The following TTLL1 variants were observed in gnomAD, a reference collection of about 807,000 sequenced individuals.
TTLL1 encodes the protein polyglutamylase complex subunit TTLL1.
A neutral mutation model predicts 47.8 loss-of-function variants in TTLL1; 33 were observed. The observed-to-expected ratio is 0.69, with a 90% confidence interval of 0.52 to 0.92. TTLL1 has a LOEUF of 0.92. TTLL1 is among the 40% of genes least tolerant of loss of function. TTLL1 has a pLI of 0.00. For synonymous variants in TTLL1, 225 were observed against 214.1 expected (o/e 1.05, Z -0.45); for missense variants, 488 against 547.5 (o/e 0.89, Z 1.08).
chr22:43,058,817 C>T (rs749361108), intron 8 of TTLL1, among the ~76,000 whole-genome samples: 8 of 152,062 alleles, frequency 5.3e-5, no homozygotes, highest in Non-Finnish European at 1.2e-4. Context: ...GCCTCAGCCT[C>T]CCAAGTAGCT....
chr22:43,087,342 T>C (rs1261399984), intron 1 of TTLL1, among the ~76,000 whole-genome samples: 1 of 151,836 alleles, frequency 6.6e-6, no homozygotes, highest in Non-Finnish European at 1.5e-5. Context: ...CTGGCTAACA[T>C]GGTGAAACCC....
At chr22:43,085,160 T>G (rs1929153155) in intron 1 of TTLL1, among the ~76,000 whole-genome samples, 1 of 151,712 alleles carries the variant, frequency 6.6e-6, no homozygotes, top group African/African-American at 2.4e-5. Context: ...GTATTTTTAA[T>G]AGAGACGAGG....
chr22:43,065,059 C>T (rs1308402866), intron 5 of TTLL1, among the ~76,000 whole-genome samples: 4 of 151,790 alleles, frequency 2.6e-5, no homozygotes, highest in Non-Finnish European at 5.9e-5. Flanking sequence ...GCAGGATAAT[C>T]GCTTGAACCC....
At chr22:43,072,240 G>T (rs546549746) in intron 3 of TTLL1, among the ~76,000 whole-genome samples, 2 of 144,262 alleles carry the variant, frequency 1.4e-5, no homozygotes, top group African/African-American at 5.2e-5. Context: ...TGCAATCTCC[G>T]CCTCCCGGGT....
Position 43,068,531 on chromosome 22 carries a change from G to A in TTLL1, c.382C>T (p.Arg128Trp), listed in dbSNP as rs779480978. Residue 128 changes from arginine (R) to tryptophan (W), a missense_variant, in exon 5 of 11, where the codon CGG (arginine) becomes TGG (tryptophan). Arg to Trp is a moderately radical substitution (Grantham distance 101). Coordinates refer to ENST00000266254, the MANE Select transcript of TTLL1 (RefSeq NM_012263.5). ...ADYNLFVEEF[R>W]KSPSSTWIMK... ...ATCCAGGTGCTGGACGGGCTCTTCC[G>A]GAACTCCTCTACAAACAGGTTGTAG... 21 of 1,566,926 alleles carry A rather than the reference G, an allele frequency of 1.3e-5. No homozygotes were observed. The highest frequency in any genetic ancestry group is 1.2e-4 in the African/African-American group (9 of 74,314).
chr22:43,045,737 C>T (rs1038713353), intron 10 of TTLL1, among the ~76,000 whole-genome samples: 1 of 151,938 alleles, frequency 6.6e-6, no homozygotes, highest in Non-Finnish European at 1.5e-5. Flanking sequence ...ACACGCACTC[C>T]ACCCAGCCTA....
chr22:43,073,343 ATTT>A (rs1928256121), intron 3 of TTLL1, among the ~76,000 whole-genome samples: 2 of 141,804 alleles, frequency 1.4e-5, no homozygotes, highest in East Asian at 4.2e-4. Flanking sequence ...TTATTTATTT[ATTT>A]ATTTATTTAT....
chr22:43,086,249 C>G (rs1426189684), intron 1 of TTLL1, among the ~76,000 whole-genome samples: 1 of 152,100 alleles, frequency 6.6e-6, no homozygotes, highest in Non-Finnish European at 1.5e-5. Flanking sequence ...TCATAAAAAC[C>G]TAACCAGGAA....
intron 10 of TTLL1, among the ~76,000 whole-genome samples, chr22:43,042,065 C>T (rs561949621): frequency 6.6e-6 from 1 of 152,264 alleles, no homozygotes; most frequent in South Asian, 2.1e-4. Context: ...ACCCCTACCC[C>T]GTGGGGACTC....
In TTLL1 at chr22:43,073,804, G is replaced by C. The variant is rs370661709; in HGVS notation, c.113+1670C>G. Among the ~76,000 whole-genome samples, 16 of 151,088 alleles carry C rather than the reference G, an allele frequency of 1.1e-4. 1 individual carries two copies. Among genetic ancestry groups the C allele is most frequent in the African/African-American group, 3.4e-4 (14 of 41,160 alleles). On this transcript the variant is annotated intron_variant, in intron 3 of 10. Coordinates refer to ENST00000266254, the MANE Select transcript of TTLL1 (RefSeq NM_012263.5). ...TGTACATTTAGTGCTTAGAACAGAA[G>C]CTCTTCTTTTTTATTTATTTATTTA...
chr22:43,080,090 G>C (rs1476741772), intron 1 of TTLL1, 104 bp from the exon 2 acceptor site: 1 of 152,196 alleles, frequency 6.6e-6, no homozygotes, highest in South Asian at 2.1e-4. Flanking sequence ...TTCTCACTCT[G>C]CTCAACCAGG....
intron 5 of TTLL1, among the ~76,000 whole-genome samples, chr22:43,067,104 C>A (rs2056950): frequency 0.22 from 33,416 of 152,216 alleles, 4,413 homozygotes; most frequent in Middle Eastern, 0.36. Flanking sequence ...AGAAGCTTTG[C>A]CCCGGTGGGC....
intron 10 of TTLL1, chr22:43,040,163 G>A (rs2072884): frequency 0.24 from 93,041 of 395,386 alleles, 15,899 homozygotes; most frequent in East Asian, 0.79. Context: ...ATTGTGGACA[G>A]TGGTCTCCCC....
At chr22:43,085,169 G>A (rs1182437335) in intron 1 of TTLL1, among the ~76,000 whole-genome samples, 1 of 151,660 alleles carries the variant, frequency 6.6e-6, no homozygotes, top group African/African-American at 2.4e-5. Context: ...ATAGAGACGA[G>A]GTTTCACTGT....
chr22:43,068,195 T>C (rs1420281338), intron 5 of TTLL1, among the ~76,000 whole-genome samples: 1 of 151,246 alleles, frequency 6.6e-6, no homozygotes, highest in African/African-American at 2.4e-5. Context: ...CGCATGCCTG[T>C]AATCCCAACT....
intron 10 of TTLL1, among the ~76,000 whole-genome samples, chr22:43,040,710 G>A (rs930385674): frequency 4.6e-5 from 7 of 152,186 alleles, no homozygotes; most frequent in African/African-American, 1.7e-4. Context: ...CTCCCAAAGT[G>A]CTGGGATGAC....
intron 3 of TTLL1, chr22:43,070,219 C>T (rs1326131967): frequency 3.8e-6 from 5 of 1,326,100 alleles, no homozygotes; most frequent in South Asian, 1.2e-5. Flanking sequence ...GGATCTGTAC[C>T]GAAATTCAGG....
chr22:43,073,613 C>A (rs1381012872), intron 3 of TTLL1, among the ~76,000 whole-genome samples: 2 of 151,996 alleles, frequency 1.3e-5, no homozygotes, highest in Non-Finnish European at 2.9e-5. Flanking sequence ...GCCTTGGCCT[C>A]CCAAAGTGCT....
intron 2 of TTLL1, among the ~76,000 whole-genome samples, chr22:43,077,083 A>G (rs978985873): frequency 2.6e-5 from 4 of 152,034 alleles, no homozygotes; most frequent in Non-Finnish European, 4.4e-5. Context: ...CCTGGGTGAC[A>G]GAGTGAGACT....
Sources: allele counts gnomAD v4.1 joint callset (sites outside exome capture counted in the v4.1 genomes callset), GRCh38; gene constraint gnomAD v4.1.1; transcripts MANE v1.5; gene names NCBI Gene and HGNC (gene_info 2026-07-23, HGNC 2026-07-21).